MRPL21: variants seen among roughly 807,000 people sequenced by gnomAD.
The protein encoded by MRPL21 is large ribosomal subunit protein bL21m.
In MRPL21, 20 loss-of-function variants were observed where a neutral mutation model predicts 27.3. That is an observed-to-expected ratio of 0.73 (90% CI 0.52 to 1.06). MRPL21 has a LOEUF of 1.06. Among genes scored for constraint, MRPL21 ranks in the 50% least tolerant of loss-of-function variants. MRPL21 has a pLI of 0.00. For missense variants in MRPL21, 249 were observed against 251.4 expected, an observed-to-expected ratio of 0.99 and a Z score of 0.06; for synonymous variants, 98 against 101.5, an observed-to-expected ratio of 0.97 and a Z score of 0.21.
intron 5 of MRPL21, 115 bp downstream of exon 5, chr11:68,893,288 G>A: frequency 6.5e-7 from 1 of 1,547,792 alleles, no homozygotes; most frequent in Non-Finnish European, 8.7e-7. Flanking sequence ...TGTTGTGTTT[G>A]GTGTCAACAA....
In MRPL21 at chr11:68,892,814, C is replaced by T. The variant is rs997353232; in HGVS notation, c.553+76G>A. The stretch of plus-strand genomic sequence containing the variant: ...GCTTCCTGTCCCGAGACCCACGTGC[C>T]CCACACCCTCCGTCCGCATGCGCCT... On this transcript the variant is annotated intron_variant, in intron 6 of 6. Coordinates refer to ENST00000362034, the MANE Select transcript of MRPL21 (RefSeq NM_181514.2). The T allele has an allele frequency of 4.5e-6, 7 of 1,567,446 alleles. No individual in the cohort carries two copies. In the African/African-American group the frequency reaches 9.4e-5, roughly 21 times the overall value.
chr11:68,893,076 A>AG, intron 5 of MRPL21, 83 bp from the exon 6 acceptor site: 1 of 1,432,038 alleles, frequency 7.0e-7, no homozygotes, highest in Non-Finnish European at 9.2e-7. Flanking sequence ...AAATGAAGTT[A>AG]TACTTTCTCT....
intron 4 of MRPL21, among the ~76,000 whole-genome samples, chr11:68,894,177 G>A (rs1470604892): frequency 2.0e-5 from 3 of 152,104 alleles, no homozygotes; most frequent in African/African-American, 7.2e-5. Context: ...TTCTTTTAAC[G>A]ACTGCAAAAT....
intron 2 of MRPL21, 73 bp downstream of exon 2, chr11:68,900,475 A>C: frequency 7.6e-7 from 1 of 1,313,380 alleles, no homozygotes; most frequent in South Asian, 1.2e-5. Context: ...AAAAGGTAGG[A>C]AGTTTTGACT....
In MRPL21 at chr11:68,891,614, G is replaced by A. The variant is rs1302792766; in HGVS notation, c.554-219C>T. Reference sequence around the variant, plus strand: ...AGGCTGGGACACCAGACGCCTCATGGCCAGGAGTGCCCTGCGCTGGCACCT... The same window carrying A: ...AGGCTGGGACACCAGACGCCTCATGACCAGGAGTGCCCTGCGCTGGCACCT... On this transcript the variant is annotated intron_variant, in intron 6 of 6. Coordinates refer to ENST00000362034, the MANE Select transcript of MRPL21 (RefSeq NM_181514.2). 3 of 599,580 alleles carry A rather than the reference G, an allele frequency of 5.0e-6. No individual in the cohort carries two copies. The South Asian group carries it at 5.6e-5, about 11-fold the overall frequency. 37.1% of individuals were successfully genotyped at this position (599,580 alleles called of 1,614,324 possible). A position where few individuals can be genotyped will look rare whatever the true frequency, so the allele number is the denominator to read the frequency against.
At chr11:68,896,271 T>C (rs1434601255) in intron 4 of MRPL21, among the ~76,000 whole-genome samples, 2 of 152,202 alleles carry the variant, frequency 1.3e-5, no homozygotes, top group Non-Finnish European at 2.9e-5. Context: ...ATGTGCTGTC[T>C]CCCTTCCTCC....
intron 6 of MRPL21, chr11:68,891,781 C>A: frequency 4.2e-6 from 2 of 474,224 alleles, no homozygotes; most frequent in Non-Finnish European, 3.7e-6. Context: ...AGGTGACAGC[C>A]AATACCAGTA....
chr11:68,892,990 C>G lies in MRPL21; in HGVS notation c.453G>C (p.Lys151Asn). 1.3e-6 allele frequency: 2 copies of G among 1,584,074 alleles called. No homozygotes were observed. Among genetic ancestry groups the G allele is most frequent in the Non-Finnish European group, 1.7e-6 (2 of 1,166,630 alleles). Residue 151 changes from lysine to asparagine, a missense_variant, in exon 6 of 7, where the codon AAG (lysine) becomes AAC (asparagine). Transcript: ENST00000362034. ...CTGTGGCTTCTACTCGAACAAGATC[C>G]TTTCTAGAAGGAAGAAAAATCAACA... ...FTLLGKPLLG[K>N]DLVRVEATVI...
intron 2 of MRPL21, among the ~76,000 whole-genome samples, chr11:68,899,415 C>T (rs761082387): frequency 2.0e-5 from 3 of 152,166 alleles, no homozygotes; most frequent in East Asian, 1.9e-4. Flanking sequence ...TGTTGGCTGG[C>T]GCGCAGGAGG....
intron 1 of MRPL21, 73 bp from the exon 2 acceptor site, chr11:68,900,678 T>C (rs762252060): frequency 6.9e-5 from 88 of 1,280,604 alleles, no homozygotes; most frequent in Non-Finnish European, 9.7e-5. Flanking sequence ...TGATGCTAAA[T>C]GCACAGCTGC....
intron 4 of MRPL21, among the ~76,000 whole-genome samples, chr11:68,894,564 G>A (rs1273293697): frequency 2.0e-5 from 3 of 152,186 alleles, no homozygotes; most frequent in Non-Finnish European, 4.4e-5. Flanking sequence ...TAACAGGCGT[G>A]AGCCACCACG....
In MRPL21 at chr11:68,901,714, C is replaced by G. The variant is rs995095196; in HGVS notation, c.89-1109G>C. Among the ~76,000 whole-genome samples, 5 of 152,284 alleles carry G rather than the reference C, an allele frequency of 3.3e-5. No homozygotes were observed. In the South Asian group the frequency reaches 6.2e-4, roughly 19 times the overall value. On this transcript the variant is annotated intron_variant, in intron 1 of 6. Coordinates refer to ENST00000362034, the MANE Select transcript of MRPL21 (RefSeq NM_181514.2). ...TCCAGTCCGATGGATTTAAACACCC[C>G]CAATGTGCTGGTGACTCCCAAGTTT... is the stretch of plus-strand genomic sequence containing the variant.
intron 4 of MRPL21, 82 bp from the exon 5 acceptor site, chr11:68,893,537 ACAC>A (rs1330938832): frequency 6.6e-7 from 1 of 1,524,722 alleles, no homozygotes; most frequent in Admixed American, 1.7e-5. Flanking sequence ...AGTGATGTCA[ACAC>A]CACACAAAAT....
At chr11:68,895,553 G>C (rs939690192) in intron 4 of MRPL21, among the ~76,000 whole-genome samples, 2 of 152,148 alleles carry the variant, frequency 1.3e-5, no homozygotes, top group Non-Finnish European at 2.9e-5. Flanking sequence ...GGGAGGCTGA[G>C]GCAGGAGAAT....
At position 68,893,916 on chromosome 11, in the gene MRPL21, T is replaced by A. The variant is rs376433777; in HGVS notation, c.397-461A>T. Among the ~76,000 whole-genome samples, 94 of 151,992 alleles carry A rather than the reference T, an allele frequency of 6.2e-4. No individual in the cohort carries two copies. The South Asian group carries it at 6.7e-3, about 11-fold the overall frequency. ...GTGAAATTAGTCTCTACTAAAAAAA[T>A]ACAAAAACTTAGCTGGGCGTGGCGG... On this transcript the variant is annotated intron_variant, in intron 4 of 6. Coordinates refer to ENST00000362034, the MANE Select transcript of MRPL21 (RefSeq NM_181514.2).
intron 2 of MRPL21, 36 bp downstream of exon 2, chr11:68,900,512 G>C (rs576394802): frequency 6.3e-7 from 1 of 1,586,568 alleles, no homozygotes; most frequent in Non-Finnish European, 8.6e-7. Context: ...ACAAATGAAA[G>C]GAAAAGAGGC....
intron 5 of MRPL21, 195 bp downstream of exon 5, chr11:68,893,208 C>T (rs1857697149): frequency 7.2e-7 from 1 of 1,380,456 alleles, no homozygotes. Flanking sequence ...TGTCATGAAA[C>T]AGCAAGAGAC....
rs182785330 is a variant in MRPL21 at position 68,897,140 on chromosome 11, C to T, written c.233-462G>A. Among the ~76,000 whole-genome samples, 547 of 152,270 alleles carry T rather than the reference C, an allele frequency of 3.6e-3. 3 individuals are homozygous for T. The highest frequency in any genetic ancestry group is 6.8e-3 in the Non-Finnish European group (462 of 68,020). The stretch of plus-strand genomic sequence containing the variant: ...TGAGGAGCCCCCCGTATCCCAACCC[C>T]ATATCCCACCCCTGGGGCAGGACGC... On this transcript the variant is annotated intron_variant, in intron 3 of 6. Coordinates refer to ENST00000362034, the MANE Select transcript of MRPL21 (RefSeq NM_181514.2).
intron 1 of MRPL21, among the ~76,000 whole-genome samples, chr11:68,903,290 G>A (rs1350935977): frequency 3.3e-5 from 5 of 152,108 alleles, no homozygotes; most frequent in South Asian, 4.1e-4. Context: ...CCTTAAATAC[G>A]GCTGTTTCTT....
Sources: allele counts gnomAD v4.1 joint callset (sites outside exome capture counted in the v4.1 genomes callset), GRCh38; gene constraint gnomAD v4.1.1; transcripts MANE v1.5; gene names NCBI Gene and HGNC (gene_info 2026-07-23, HGNC 2026-07-21).